GDPD5: variants seen among roughly 807,000 people sequenced by gnomAD.
GDPD5 encodes glycerophosphodiester phosphodiesterase domain containing 5.
Under a neutral mutation model 75.1 loss-of-function variants are expected in GDPD5, and 48 were observed. That is an observed-to-expected ratio of 0.64 (90% CI 0.51 to 0.81). The LOEUF (loss-of-function observed/expected upper bound fraction) is 0.81, where lower values mean the gene tolerates loss of function less well. Ranked by LOEUF, GDPD5 falls within the 40% of genes least tolerant of loss-of-function variation. The pLI is 0.00. For missense variants in GDPD5, 706 were observed against 822.6 expected, an observed-to-expected ratio of 0.86 and a Z score of 1.73; for synonymous variants, 336 against 339.0, an observed-to-expected ratio of 0.99 and a Z score of 0.10.
At chr11:75,480,433 T>C (rs1949885972) in intron 2 of GDPD5, among the ~76,000 whole-genome samples, 1 of 152,142 alleles carries the variant, frequency 6.6e-6, no homozygotes, top group Non-Finnish European at 1.5e-5. Context: ...TCATCGCTCA[T>C]GGCCACCTCA....
intron 1 of GDPD5, among the ~76,000 whole-genome samples, chr11:75,522,290 G>A (rs1941494759): frequency 6.6e-6 from 1 of 152,196 alleles, no homozygotes; most frequent in South Asian, 2.1e-4. Context: ...ATGGGATCAT[G>A]TGTCTTTCCC....
intron 6 of GDPD5, chr11:75,450,303 A>C: frequency 1.4e-5 from 6 of 419,702 alleles, no homozygotes; most frequent in Non-Finnish European, 1.7e-5. Context: ...AGTAAGGGGG[A>C]CCTCCCTGGG....
chr11:75,520,951 C>A (rs947460491), intron 1 of GDPD5, among the ~76,000 whole-genome samples: 3 of 152,224 alleles, frequency 2.0e-5, no homozygotes, highest in African/African-American at 7.2e-5. Context: ...CTCCTTTGGG[C>A]GAGGCAGCTA....
chr11:75,515,700 G>C (rs1228262001), intron 1 of GDPD5, among the ~76,000 whole-genome samples: 1 of 152,364 alleles, frequency 6.6e-6, no homozygotes, highest in Non-Finnish European at 1.5e-5. Context: ...TCGCAGCAGG[G>C]CTGGGGCCGC....
At chr11:75,461,914 C>T (rs1169133731) in intron 4 of GDPD5, among the ~76,000 whole-genome samples, 1 of 152,206 alleles carries the variant, frequency 6.6e-6, no homozygotes, top group Admixed American at 6.5e-5. Context: ...CTCCCATGAC[C>T]TCTCCACTGC....
chr11:75,489,566 C>T (rs548330771), intron 2 of GDPD5, among the ~76,000 whole-genome samples: 54 of 152,320 alleles, frequency 3.5e-4, no homozygotes, highest in African/African-American at 1.3e-3. Context: ...TCATTCATTC[C>T]TTTGGAGGAA....
intron 3 of GDPD5, among the ~76,000 whole-genome samples, chr11:75,472,450 A>T (rs1003706328): frequency 2.0e-5 from 3 of 151,878 alleles, no homozygotes; most frequent in Admixed American, 2.0e-4. Flanking sequence ...TGGGAAACTC[A>T]TCTCTTCCTC....
At chr11:75,481,666 C>A (rs959138027) in intron 2 of GDPD5, among the ~76,000 whole-genome samples, 1 of 152,096 alleles carries the variant, frequency 6.6e-6, no homozygotes, top group African/African-American at 2.4e-5. Flanking sequence ...CATTCCCAGC[C>A]TTCCCGCAGG....
chr11:75,458,564 C>T (rs938066807), intron 4 of GDPD5, among the ~76,000 whole-genome samples: 5 of 151,792 alleles, frequency 3.3e-5, no homozygotes, highest in African/African-American at 4.8e-5. Flanking sequence ...CCCAGCTACT[C>T]GGGAGGCCGA....
intron 1 of GDPD5, among the ~76,000 whole-genome samples, chr11:75,518,712 C>T (rs1565226566): frequency 6.6e-6 from 1 of 152,130 alleles, no homozygotes; most frequent in Non-Finnish European, 1.5e-5. Flanking sequence ...TCCTCAAGGC[C>T]CCACAGCCAG....
At chr11:75,477,563 C>T (rs1949805053) in intron 3 of GDPD5, 56 bp downstream of exon 3, 6 of 1,168,522 alleles carry the variant, frequency 5.1e-6, no homozygotes, top group Non-Finnish European at 7.2e-6. Flanking sequence ...TCCCCCAGCC[C>T]CTCAGGCTTG....
intron 1 of GDPD5, among the ~76,000 whole-genome samples, chr11:75,498,119 G>T (rs569195335): frequency 1.3e-5 from 2 of 152,254 alleles, no homozygotes; most frequent in South Asian, 4.1e-4. Flanking sequence ...ACTCCCAGAG[G>T]CCTGAGTGGG....
chr11:75,498,755 C>T (rs1950255319), intron 1 of GDPD5, among the ~76,000 whole-genome samples: 1 of 152,170 alleles, frequency 6.6e-6, no homozygotes, highest in African/African-American at 2.4e-5. Flanking sequence ...CCTTGCTGAC[C>T]ACACAGCCTG....
At chr11:75,484,015 C>T (rs1382421319) in intron 2 of GDPD5, among the ~76,000 whole-genome samples, 1 of 152,066 alleles carries the variant, frequency 6.6e-6, no homozygotes, top group African/African-American at 2.4e-5. Context: ...GGTGAAACCC[C>T]GTCCCTACTA....
chr11:75,448,396 G>A (rs1290790495), intron 9 of GDPD5: 10 of 828,480 alleles, frequency 1.2e-5, no homozygotes, highest in Non-Finnish European at 1.5e-5. Flanking sequence ...GGGGAACCAG[G>A]CAAAGAGATG....
At chr11:75,458,734 C>A (rs1949348116) in intron 4 of GDPD5, among the ~76,000 whole-genome samples, 1 of 149,570 alleles carries the variant, frequency 6.7e-6, no homozygotes, top group African/African-American at 2.4e-5. Flanking sequence ...CATGGGGTCT[C>A]ATGAGGATGA....
chr11:75,446,540 TAA>T (rs2135195659), intron 9 of GDPD5, among the ~76,000 whole-genome samples: 1 of 152,260 alleles, frequency 6.6e-6, no homozygotes, highest in East Asian at 1.9e-4. Context: ...AAAGTACTAT[TAA>T]AAAAGAGTCT....
At position 75,525,522 on chromosome 11, in the gene GDPD5, A is replaced by C. The variant is rs927572892; in HGVS notation, c.-457T>G. 1 of 152,346 alleles carries C rather than the reference A, an allele frequency of 6.6e-6. No homozygotes were observed. The highest frequency in any genetic ancestry group is 6.5e-5 in the Admixed American group (1 of 15,290). The allele number at this position is 152,346 out of a possible 1,614,324, so 9.4% of individuals were successfully genotyped here. On this transcript the variant is annotated 5_prime_UTR_variant, in exon 1 of 17. Coordinates refer to ENST00000336898, the MANE Select transcript of GDPD5 (RefSeq NM_030792.8). ...CGAGGGCCTGGGGCCACACTGCGCT[A>C]GCCCTGGAGCTGGGGTTCCGACCCT...
intron 1 of GDPD5, among the ~76,000 whole-genome samples, chr11:75,495,356 T>A (rs982185934): frequency 3.3e-5 from 5 of 151,394 alleles, no homozygotes; most frequent in African/African-American, 1.2e-4. Context: ...TCCTAGCTAC[T>A]CAGGAGGCTG....
Sources: allele counts gnomAD v4.1 joint callset (sites outside exome capture counted in the v4.1 genomes callset), GRCh38; gene constraint gnomAD v4.1.1; transcripts MANE v1.5; gene names NCBI Gene and HGNC (gene_info 2026-07-23, HGNC 2026-07-21).